FCGR2B: variants seen among roughly 807,000 people sequenced by gnomAD.
FCGR2B encodes low affinity immunoglobulin gamma Fc region receptor II-b.
In FCGR2B, 18 loss-of-function variants were observed where a neutral mutation model predicts 24.8. That is an observed-to-expected ratio of 0.73 (90% CI 0.50 to 1.08). FCGR2B has a LOEUF of 1.08. Ranked by LOEUF, FCGR2B falls within the 50% of genes least tolerant of loss-of-function variation. The pLI, the probability that FCGR2B is intolerant of heterozygous loss-of-function variation, is 0.00. For missense variants in FCGR2B, 215 were observed against 297.6 expected (o/e 0.72, Z 2.04); for synonymous variants, 79 against 109.8 (o/e 0.72, Z 1.75).
the FCGR2B span, among the ~76,000 whole-genome samples, chr1:161,652,952 C>T: frequency 3.0e-5 from 4 of 134,334 alleles, 1 homozygote; most frequent in African/African-American, 7.7e-5. Context: ...CTGCACTACC[C>T]CAACTTTAGG....
Position 161,678,244 on chromosome 1 carries a change from A to G in FCGR2B, c.*691A>G. The G allele has an allele frequency of 4.5e-6, 1 of 220,284 alleles. No individual in the cohort carries two copies. The highest frequency in any genetic ancestry group is 6.6e-5 in the East Asian group (1 of 15,090). 13.6% of individuals were successfully genotyped at this position (220,284 alleles called of 1,614,324 possible). A position where few individuals can be genotyped will look rare whatever the true frequency, so the allele number is the denominator to read the frequency against. ...TTAAAACTGAATACAGTCACGCACC[A>G]CATAATGATGTTTAGTTCAACAACA... is the stretch of plus-strand genomic sequence containing the variant. On this transcript the variant is annotated 3_prime_UTR_variant, in exon 8 of 8. Coordinates refer to ENST00000358671, the MANE Select transcript of FCGR2B (RefSeq NM_001394477.1).
At chr1:161,649,603 A>G in the FCGR2B span, among the ~76,000 whole-genome samples, 1 of 150,666 alleles carries the variant, frequency 6.6e-6, no homozygotes, top group Non-Finnish European at 1.5e-5. Context: ...GACTAGTTAA[A>G]GGCTTGTTTC....
rs763806861 is a variant in FCGR2B, at chr1:161,677,342, C to A, written c.832C>A (p.Pro278Thr). Residue 278 changes from proline to threonine, a missense_variant, in exon 7 of 8, where the codon CCT becomes ACT. Physicochemically the swap from Pro to Thr is conservative, Grantham distance 38 (BLOSUM62 -1). Around this residue, in one of 5 missense-constraint regions of FCGR2B, gnomAD observed 81 missense variants for 81.6 expected, o/e 0.99. Transcript: ENST00000358671. Reference sequence around the variant, plus strand: ...TTTTCCCACAGCCAATCCCACTAATCCTGATGAGGCTGACAAAGTTGGGGT... The same window carrying A: ...TTTTCCCACAGCCAATCCCACTAATACTGATGAGGCTGACAAAGTTGGGGT... ...LPEKPANPTN[P>T]DEADKVGAEN... The A allele has an allele frequency of 6.2e-7, 1 of 1,613,940 alleles. No individual in the cohort carries two copies. The highest frequency in any genetic ancestry group is 1.7e-5 in the Admixed American group (1 of 59,976).
At position 161,673,053 on chromosome 1, in the gene FCGR2B, A is replaced by G. The variant is rs1197903747; in HGVS notation, c.470A>G (p.Asp157Gly). The change falls in exon 4 of 8, where the codon GAC becomes GGC. Residue 157 changes from aspartate to glycine, a missense_variant. By Grantham distance (94) the Asp-to-Gly change is moderately conservative. This residue lies in a region of FCGR2B where 39 missense variants were observed against 73.3 expected (regional missense o/e 0.53). Coordinates refer to ENST00000358671, the MANE Select transcript of FCGR2B (RefSeq NM_001394477.1). ...TIVLRCHSWK[D>G]KPLVKVTFFQ... is the part of the protein sequence containing the mutation. ...GTGCTGAGGTGCCACAGCTGGAAGG[A>G]CAAGCCTCTGGTCAAGGTCACATTC... 1 of 1,612,682 alleles carries G rather than the reference A, an allele frequency of 6.2e-7. No individual in the cohort carries two copies. Among genetic ancestry groups the G allele is most frequent in the African/African-American group, 1.3e-5 (1 of 74,804 alleles).
chr1:161,650,517 C>T, the FCGR2B span, among the ~76,000 whole-genome samples: 1 of 146,736 alleles, frequency 6.8e-6, no homozygotes, highest in Non-Finnish European at 1.5e-5. Context: ...ATGCTCTCCA[C>T]TGGAGGACAT....
At chr1:161,669,505 G>A (rs1681489661) in intron 1 of FCGR2B, among the ~76,000 whole-genome samples, 1 of 142,694 alleles carries the variant, frequency 7.0e-6, no homozygotes, top group Admixed American at 7.2e-5. Context: ...GGGAGGCGGA[G>A]GTTGCAGTGA....
At chr1:161,669,620 AAAATG>A (rs1269017362) in intron 1 of FCGR2B, among the ~76,000 whole-genome samples, 3 of 134,272 alleles carry the variant, frequency 2.2e-5, no homozygotes, top group East Asian at 2.1e-4. Flanking sequence ...AAAATAAAAT[AAAATG>A]ACAACATAGA....
Position 161,677,813 on chromosome 1 carries a change from A to G in FCGR2B, c.*260A>G. The G allele has an allele frequency of 2.2e-6, 1 of 464,438 alleles. No homozygotes were observed. The highest frequency in any genetic ancestry group is 3.8e-6 in the Non-Finnish European group (1 of 263,466). The allele number at this position is 464,438 out of a possible 1,614,324, so 28.8% of individuals were successfully genotyped here. On this transcript the variant is annotated 3_prime_UTR_variant, in exon 8 of 8. Transcript: ENST00000358671. The stretch of plus-strand genomic sequence containing the variant: ...TCTTCCGTTCCACATCCACACAGCC[A>G]ATCCAATTAATCAAACCACTGTTAT...
At chr1:161,652,154 T>C in the FCGR2B span, among the ~76,000 whole-genome samples, 1 of 130,740 alleles carries the variant, frequency 7.6e-6, no homozygotes, top group Non-Finnish European at 1.7e-5. Context: ...CCATTATTTT[T>C]GAAAAATTGT....
chr1:161,677,008 C>T, intron 6 of FCGR2B: 2 of 431,884 alleles, frequency 4.6e-6, no homozygotes, highest in South Asian at 2.9e-5. Context: ...CCCCCCTCCC[C>T]CACCTCTTCC....
At chr1:161,653,560 T>A in the FCGR2B span, among the ~76,000 whole-genome samples, 1 of 145,202 alleles carries the variant, frequency 6.9e-6, no homozygotes, top group Non-Finnish European at 1.5e-5. Flanking sequence ...ACGTTTATAG[T>A]TAAACTTTGA....
rs1682252385 is a variant in FCGR2B at position 161,677,518 on chromosome 1, G to A, written c.898G>A (p.Ala300Thr). 1 of 1,613,872 alleles carries A rather than the reference G, an allele frequency of 6.2e-7. No individual in the cohort carries two copies. Reference protein sequence around the residue: ...ITYSLLMHPDALEEPDDQNRI With the variant: ...ITYSLLMHPDTLEEPDDQNRI ...CTATTCACTTCTCATGCACCCGGAT[G>A]CTCTGGAAGAGCCTGATGACCAGAA... The change falls in exon 8 of 8, where the codon GCT (alanine) becomes ACT (threonine). Residue 300 changes from alanine (A) to threonine (T), a missense_variant. Physicochemically the swap from Ala to Thr is moderately conservative, Grantham distance 58. Coordinates refer to ENST00000358671, the MANE Select transcript of FCGR2B (RefSeq NM_001394477.1).
intron 3 of FCGR2B, 78 bp downstream of exon 3, chr1:161,671,727 G>T (rs544439174): frequency 1.2e-6 from 2 of 1,600,162 alleles, no homozygotes; most frequent in South Asian, 2.2e-5. Flanking sequence ...AGGTTTGCAG[G>T]AAAGGGGGGT....
chr1:161,676,106 C>T (rs756625326), intron 6 of FCGR2B: 1 of 230,364 alleles, frequency 4.3e-6, no homozygotes, highest in South Asian at 1.8e-4. Flanking sequence ...AAGGAACTTC[C>T]AGGAGGATGC....
At chr1:161,661,256 A>C (rs1490385864), upstream of FCGR2B, among the ~76,000 whole-genome samples, 4 of 31,686 alleles carry the variant, frequency 1.3e-4, no homozygotes, top group African/African-American at 2.2e-4. Flanking sequence ...GAAAGAAAGA[A>C]AGAAAGGAAG....
the FCGR2B span, among the ~76,000 whole-genome samples, chr1:161,651,809 T>C: frequency 1.6e-5 from 2 of 124,454 alleles, no homozygotes; most frequent in African/African-American, 5.4e-5. Flanking sequence ...GGCGCATGCC[T>C]GTAATCCCAG....
At chr1:161,675,411 G>A (rs889837942) in intron 6 of FCGR2B, 98 bp downstream of exon 6, 3 of 822,722 alleles carry the variant, frequency 3.6e-6, no homozygotes, top group Non-Finnish European at 5.6e-6. Context: ...TCAGCTGGGA[G>A]CCAGGGAGGG....
the FCGR2B span, among the ~76,000 whole-genome samples, chr1:161,652,852 T>A: frequency 7.4e-6 from 1 of 134,354 alleles, no homozygotes; most frequent in African/African-American, 2.6e-5. Flanking sequence ...ACCTTCAAAT[T>A]CTTCTAGTGT....
rs368792721 is a variant in FCGR2B, at chr1:161,675,180, C to T, written c.761-77C>T. 708 of 979,600 alleles carry T rather than the reference C, an allele frequency of 7.2e-4. 1 individual carries two copies. Among genetic ancestry groups the T allele is most frequent in the East Asian group, 1.6e-3 (62 of 38,066 alleles). 60.7% of individuals were successfully genotyped at this position (979,600 alleles called of 1,614,324 possible). On this transcript the variant is annotated intron_variant, in intron 5 of 7. Coordinates refer to ENST00000358671, the MANE Select transcript of FCGR2B (RefSeq NM_001394477.1). ...GAAGGCCTGAGCTGGTCCCATCCAA[C>T]CCTGGCCCTGGTCCTTGGTCCTGAG...
Sources: allele counts gnomAD v4.1 joint callset (sites outside exome capture counted in the v4.1 genomes callset), GRCh38; gene constraint gnomAD v4.1.1; regional missense constraint gnomAD v4.1.1; transcripts MANE v1.5; gene names NCBI Gene and HGNC (gene_info 2026-07-23, HGNC 2026-07-21).